The following KCNJ6 variants were observed in gnomAD, a reference collection of about 807,000 sequenced individuals.
The protein encoded by KCNJ6 is G protein-activated inward rectifier potassium channel 2.
A neutral mutation model predicts 34.2 loss-of-function variants in KCNJ6; 9 were observed. The observed-to-expected ratio is 0.26, with a 90% CI of 0.16 to 0.46. The LOEUF is 0.46. Ranked by LOEUF, KCNJ6 falls within the 20% of genes least tolerant of loss-of-function variation. The probability of loss-of-function intolerance (pLI) is 1.00; values close to 1 mark genes in which losing one functional copy is unlikely to be tolerated. For missense variants in KCNJ6, 236 were observed against 531.3 expected, an observed-to-expected ratio of 0.44 and a Z score of 5.46; for synonymous variants, 196 against 207.1, an observed-to-expected ratio of 0.95 and a Z score of 0.46.
At chr21:37,913,931 A>C (rs2123656729) in intron 1 of KCNJ6, among the ~76,000 whole-genome samples, 1 of 152,140 alleles carries the variant, frequency 6.6e-6, no homozygotes, top group East Asian at 1.9e-4. Context: ...GAAGAGCGTG[A>C]GAGGGCAAGG....
rs551268053 is a variant in KCNJ6, at chr21:37,720,136, TAAAC to T, written c.26-5009_26-5006del. ...TCATGAGTACTTTTAATTTTCTTGTTAAACAAACATTTTTGAAATTTTCTAGAAT... is the reference window on the plus strand; with the variant it reads ...TCATGAGTACTTTTAATTTTCTTGTTAAACATTTTTGAAATTTTCTAGAAT... On this transcript the variant is annotated intron_variant, in intron 2 of 3. Coordinates refer to ENST00000609713, the MANE Select transcript of KCNJ6 (RefSeq NM_002240.5). Among the ~76,000 whole-genome samples the T allele has an allele frequency of 1.9e-3, 290 of 152,290 alleles. 2 individuals carry two copies. Among genetic ancestry groups the T allele is most frequent in the Non-Finnish European group, 3.5e-3 (238 of 68,024 alleles).
At chr21:37,734,376 A>C (rs947259202) in intron 2 of KCNJ6, among the ~76,000 whole-genome samples, 4 of 152,150 alleles carry the variant, frequency 2.6e-5, no homozygotes, top group Non-Finnish European at 5.9e-5. Context: ...TGTTGTACAG[A>C]GGAGAGCCCA....
chr21:37,749,682 G>C (rs1179351954), intron 2 of KCNJ6, among the ~76,000 whole-genome samples: 4 of 152,114 alleles, frequency 2.6e-5, no homozygotes, highest in African/African-American at 4.8e-5. Flanking sequence ...TTATGTTTGG[G>C]GTCATGATCC....
chr21:37,650,430 T>C (rs2054427819), intron 3 of KCNJ6, among the ~76,000 whole-genome samples: 1 of 152,338 alleles, frequency 6.6e-6, no homozygotes, highest in South Asian at 2.1e-4. Context: ...GGTGCACATA[T>C]GGTAGGTACC....
chr21:37,754,622 G>A (rs1163270411), intron 2 of KCNJ6, among the ~76,000 whole-genome samples: 1 of 152,328 alleles, frequency 6.6e-6, no homozygotes, highest in African/African-American at 2.4e-5. Context: ...GGACTTACCT[G>A]TAAGAAGGGT....
chr21:37,723,289 G>C (rs1470523797), intron 2 of KCNJ6, among the ~76,000 whole-genome samples: 1 of 152,158 alleles, frequency 6.6e-6, no homozygotes, highest in Non-Finnish European at 1.5e-5. Flanking sequence ...ATGCTTGTGA[G>C]GCTGTGGAGA....
intron 2 of KCNJ6, among the ~76,000 whole-genome samples, chr21:37,754,931 G>A (rs150498559): frequency 7.0e-4 from 106 of 152,292 alleles, no homozygotes; most frequent in Non-Finnish European, 1.1e-3. Flanking sequence ...ACAGAAAGCC[G>A]GAGAGGTATT....
intron 3 of KCNJ6, among the ~76,000 whole-genome samples, chr21:37,658,294 A>G (rs1039294464): frequency 2.6e-5 from 4 of 152,236 alleles, no homozygotes; most frequent in Admixed American, 2.0e-4. Context: ...CGAGCATGAC[A>G]TTGCGATTTA....
intron 3 of KCNJ6, among the ~76,000 whole-genome samples, chr21:37,669,950 T>C (rs1390418005): frequency 1.3e-5 from 2 of 152,232 alleles, no homozygotes; most frequent in Non-Finnish European, 2.9e-5. Flanking sequence ...GAATCCGAAG[T>C]CATGAAGATT....
chr21:37,751,701 C>A (rs2054996670), intron 2 of KCNJ6, among the ~76,000 whole-genome samples: 1 of 152,132 alleles, frequency 6.6e-6, no homozygotes, highest in Admixed American at 6.5e-5. Flanking sequence ...TACTTAGTTT[C>A]TATGTATGAT....
intron 3 of KCNJ6, among the ~76,000 whole-genome samples, chr21:37,630,022 G>A: frequency 6.6e-6 from 1 of 152,140 alleles, no homozygotes; most frequent in African/African-American, 2.4e-5. Flanking sequence ...TATTGACTTA[G>A]GTCCCAGTCC....
chr21:37,665,238 T>C (rs1272105386), intron 3 of KCNJ6, among the ~76,000 whole-genome samples: 1 of 152,178 alleles, frequency 6.6e-6, no homozygotes, highest in African/African-American at 2.4e-5. Flanking sequence ...CACTGGCACA[T>C]AGGATGCATT....
chr21:37,782,138 G>T (rs907309662), intron 2 of KCNJ6, among the ~76,000 whole-genome samples: 1 of 152,126 alleles, frequency 6.6e-6, no homozygotes, highest in Non-Finnish European at 1.5e-5. Context: ...GAGTGAGAGA[G>T]AGAGAGAGAA....
At chr21:37,705,598 C>A (rs1470239524) in intron 3 of KCNJ6, among the ~76,000 whole-genome samples, 3 of 152,124 alleles carry the variant, frequency 2.0e-5, no homozygotes, top group Non-Finnish European at 2.9e-5. Flanking sequence ...CTCGTGGAAT[C>A]TTTTTGTAGG....
intron 2 of KCNJ6, among the ~76,000 whole-genome samples, chr21:37,785,172 T>C (rs2055187027): frequency 6.6e-6 from 1 of 152,194 alleles, no homozygotes; most frequent in Non-Finnish European, 1.5e-5. Context: ...GAGACATTTG[T>C]GGAGGCTGAG....
At chr21:37,756,503 C>T (rs2123488605) in intron 2 of KCNJ6, among the ~76,000 whole-genome samples, 1 of 152,362 alleles carries the variant, frequency 6.6e-6, no homozygotes, top group Middle Eastern at 3.4e-3. Flanking sequence ...CCCCGCTATG[C>T]TGGTCTCCAC....
intron 2 of KCNJ6, among the ~76,000 whole-genome samples, chr21:37,809,641 T>C (rs559624149): frequency 4.6e-5 from 7 of 152,272 alleles, no homozygotes; most frequent in East Asian, 3.9e-4. Context: ...AGAAAAAATA[T>C]AAAAAGTAAA....
intron 3 of KCNJ6, among the ~76,000 whole-genome samples, chr21:37,651,870 C>G (rs2054435142): frequency 1.3e-5 from 2 of 152,206 alleles, no homozygotes; most frequent in Admixed American, 1.3e-4. Flanking sequence ...GACTAGTTCA[C>G]ATGTCAACTT....
intron 3 of KCNJ6, among the ~76,000 whole-genome samples, chr21:37,634,283 C>A (rs967386796): frequency 2.1e-5 from 3 of 146,152 alleles, no homozygotes; most frequent in African/African-American, 7.3e-5. Context: ...TTAAAAAGAG[C>A]CTGGCACCTC....
Sources: gnomAD v4.1 joint callset for allele counts (sites outside exome capture counted in the v4.1 genomes callset) on GRCh38, gnomAD v4.1.1 for gene constraint, MANE v1.5 for transcripts, NCBI Gene and HGNC (gene_info 2026-07-23, HGNC 2026-07-21) for gene names.